HERPUD2: variants seen among roughly 807,000 people sequenced by gnomAD.
HERPUD2 encodes HERPUD family member 2, also known as homocysteine-responsive endoplasmic reticulum-resident ubiquitin-like domain member 2 protein.
HERPUD2 carries 13 observed loss-of-function variants against 49.9 expected under a neutral mutation model. The observed-to-expected ratio is 0.26, with a 90% CI of 0.17 to 0.41. The LOEUF (loss-of-function observed/expected upper bound fraction) is 0.41, where lower values mean the gene tolerates loss of function less well. HERPUD2 is among the 10% of genes least tolerant of loss of function. HERPUD2 has a pLI of 1.00. For synonymous variants in HERPUD2, 172 were observed against 171.4 expected (o/e 1.00, Z -0.03); for missense variants, 449 against 492.2 (o/e 0.91, Z 0.83).
intron 2 of HERPUD2, among the ~76,000 whole-genome samples, chr7:35,683,192 CA>C (rs1785953071): frequency 6.6e-6 from 1 of 152,086 alleles, no homozygotes; most frequent in Non-Finnish European, 1.5e-5. Context: ...CCATAGTCAC[CA>C]AAACAACATG....
At chr7:35,682,336 T>TGTAAATATAGATATATACACACACACAC (rs1426629221) in intron 2 of HERPUD2, among the ~76,000 whole-genome samples, 1 of 21,364 alleles carries the variant, frequency 4.7e-5, no homozygotes, top group African/African-American at 1.5e-4. Flanking sequence ...CGTGTGTGTG[T>TGTAAATATAGATATATACACACACACAC]GTGTGTGTGT....
intron 5 of HERPUD2, among the ~76,000 whole-genome samples, chr7:35,650,763 C>T (rs1258533765): frequency 6.6e-6 from 1 of 152,188 alleles, no homozygotes; most frequent in Non-Finnish European, 1.5e-5. Flanking sequence ...CAATTTACGA[C>T]TGTTGTCATT....
intron 2 of HERPUD2, among the ~76,000 whole-genome samples, chr7:35,676,270 T>C (rs767895369): frequency 2.0e-5 from 3 of 152,258 alleles, no homozygotes; most frequent in Admixed American, 1.3e-4. Flanking sequence ...AAACTGTATC[T>C]TCCTGGTATT....
intron 4 of HERPUD2, chr7:35,668,677 A>C (rs1358309732): frequency 6.5e-6 from 1 of 154,408 alleles, no homozygotes; most frequent in Non-Finnish European, 1.5e-5. Flanking sequence ...AAACTTTTAA[A>C]ATGTTACTTC....
chr7:35,694,655 A>T, intron 1 of HERPUD2, 28 bp from the exon 2 acceptor site: 1 of 296,202 alleles, frequency 3.4e-6, no homozygotes, highest in Non-Finnish European at 6.6e-6. Flanking sequence ...GGGAGGGATG[A>T]GGGCACAACG....
rs1786269741 is a variant in HERPUD2, at chr7:35,694,433, C to A, written c.-103G>T. On this transcript the variant is annotated 5_prime_UTR_variant, in exon 2 of 9. Transcript: ENST00000311350. The stretch of plus-strand genomic sequence containing the variant: ...ACTGGGATGAGGACAGAAGTGAGTT[C>A]TTAGTATTCCGTGTCCAAGTCAGTT... 8.5e-7 allele frequency: 1 copy of A among 1,177,998 alleles called. No homozygotes were observed. The highest frequency in any genetic ancestry group is 1.5e-5 in the African/African-American group (1 of 66,046). The allele number at this position is 1,177,998 out of a possible 1,614,324, so 73.0% of individuals were successfully genotyped here.
chr7:35,686,596 G>A (rs950312476), intron 2 of HERPUD2, among the ~76,000 whole-genome samples: 2 of 137,194 alleles, frequency 1.5e-5, no homozygotes, highest in Non-Finnish European at 3.2e-5. Context: ...GCGGGCGCCT[G>A]TAGTCCCAGC....
chr7:35,674,287 G>A (rs1184980001), intron 2 of HERPUD2, among the ~76,000 whole-genome samples: 1 of 149,974 alleles, frequency 6.7e-6, no homozygotes, highest in Non-Finnish European at 1.5e-5. Flanking sequence ...AAGCATTTTG[G>A]AGTGTGCCAT....
intron 5 of HERPUD2, among the ~76,000 whole-genome samples, chr7:35,666,526 A>G (rs147178364): frequency 1.8e-3 from 269 of 152,338 alleles, no homozygotes; most frequent in African/African-American, 6.1e-3. Context: ...ATCATCATGG[A>G]TCCAGACCAG....
chr7:35,635,324 C>T lies in HERPUD2; in HGVS notation c.752G>A (p.Arg251Gln), dbSNP rs200416016. The change falls in exon 7 of 9, where the codon CGA becomes CAA. Residue 251 changes from arginine (R) to glutamine (Q), a missense_variant. Transcript: ENST00000311350. The stretch of plus-strand genomic sequence containing the variant: ...CATTTGAACATTCTCATTCATGGGT[C>T]GATTTTCTTGGGCCACTAGGTTTGG... ...PAPNLVAQEN[R>Q]PMNENVQMNA... The T allele has an allele frequency of 2.5e-6, 4 of 1,614,046 alleles. No individual in the cohort carries two copies. Among genetic ancestry groups the T allele is most frequent in the East Asian group, 2.2e-5 (1 of 44,876 alleles).
intron 5 of HERPUD2, among the ~76,000 whole-genome samples, chr7:35,651,810 T>C (rs1441364347): frequency 7.5e-6 from 1 of 133,876 alleles, no homozygotes; most frequent in Non-Finnish European, 1.7e-5. Flanking sequence ...AGATAAACAA[T>C]ATAAAAAAAA....
In HERPUD2 at chr7:35,662,580, A is replaced by T. The variant is rs1000500429; in HGVS notation, c.494+4854T>A. Among the ~76,000 whole-genome samples the T allele has an allele frequency of 5.9e-5, 9 of 152,192 alleles. 1 individual carries two copies. The highest frequency in any genetic ancestry group is 1.9e-4 in the African/African-American group (8 of 41,442). ...CGTTATTGGTCTATTCAGGGATTCA[A>T]CTTCTTCCTGGTTTAGTCTTGGGAG... On this transcript the variant is annotated intron_variant, in intron 5 of 8. Transcript: ENST00000311350.
intron 5 of HERPUD2, among the ~76,000 whole-genome samples, chr7:35,656,408 C>T (rs1785276007): frequency 6.6e-6 from 1 of 151,822 alleles, no homozygotes; most frequent in Non-Finnish European, 1.5e-5. Flanking sequence ...TTACCCAAAG[C>T]AATCTATAAA....
intron 4 of HERPUD2, among the ~76,000 whole-genome samples, chr7:35,669,505 C>A (rs941543188): frequency 1.3e-5 from 2 of 152,150 alleles, no homozygotes; most frequent in African/African-American, 2.4e-5. Flanking sequence ...TCATCCAATC[C>A]TCTCACCTGC....
chr7:35,670,230 T>G lies in HERPUD2; in HGVS notation c.324A>C (p.Ala108=), dbSNP rs1785615095. Residue 108 remains alanine, a synonymous_variant, in exon 4 of 9, where the codon GCA becomes GCC. Coordinates refer to ENST00000311350, the MANE Select transcript of HERPUD2 (RefSeq NM_022373.5). ...AACAACTCACAGAATTGCTGCTGGA[T>G]GCCAATGCTTCATGACTTTCTCTAT... ...STNRESHEAL[A]SSSNSSSDHS... The G allele has an allele frequency of 6.4e-7, 1 of 1,557,268 alleles. No individual in the cohort carries two copies. Among genetic ancestry groups the G allele is most frequent in the Non-Finnish European group, 8.8e-7 (1 of 1,141,378 alleles).
chr7:35,674,302 C>G (rs1346170639), intron 2 of HERPUD2, among the ~76,000 whole-genome samples: 1 of 149,372 alleles, frequency 6.7e-6, no homozygotes, highest in Non-Finnish European at 1.5e-5. Context: ...TGCCATTCCT[C>G]AAATGCACAT....
At chr7:35,681,869 G>C (rs1339817527) in intron 2 of HERPUD2, among the ~76,000 whole-genome samples, 1 of 152,134 alleles carries the variant, frequency 6.6e-6, no homozygotes, top group East Asian at 1.9e-4. Flanking sequence ...CTGCCAATAG[G>C]TATGGAGTTT....
intron 5 of HERPUD2, among the ~76,000 whole-genome samples, chr7:35,662,085 G>A (rs533518579): frequency 5.2e-4 from 79 of 152,310 alleles, no homozygotes; most frequent in African/African-American, 1.8e-3. Flanking sequence ...TTAGCATGAA[G>A]AGCTGTTGAA....
intron 5 of HERPUD2, among the ~76,000 whole-genome samples, chr7:35,643,740 CCT>C (rs1785004425): frequency 6.7e-6 from 1 of 150,244 alleles, no homozygotes; most frequent in African/African-American, 2.4e-5. Context: ...TGAAAATAAG[CCT>C]CTCTGAATGT....
Sources: gnomAD v4.1 joint callset for allele counts (sites outside exome capture counted in the v4.1 genomes callset) on GRCh38, gnomAD v4.1.1 for gene constraint, MANE v1.5 for transcripts, NCBI Gene and HGNC (gene_info 2026-07-23, HGNC 2026-07-21) for gene names.